The following CDKL3 variants were observed in gnomAD, a reference collection of about 807,000 sequenced individuals.
CDKL3 encodes cyclin dependent kinase like 3.
In CDKL3, 65 loss-of-function variants were observed where a neutral mutation model predicts 69.3. That is an observed-to-expected ratio of 0.94 (90% CI 0.77 to 1.15). The LOEUF (loss-of-function observed/expected upper bound fraction) is 1.15. Ranked by LOEUF, CDKL3 falls within the 50% of genes most tolerant of loss-of-function variation. The pLI is 0.00. For synonymous variants in CDKL3, 202 were observed against 221.6 expected (o/e 0.91, Z 0.79); for missense variants, 652 against 689.2 (o/e 0.95, Z 0.61).
In CDKL3 at chr5:134,366,564, G is replaced by A. The variant is rs771889768; in HGVS notation, c.-21-20C>T. 1.4e-6 allele frequency: 2 copies of A among 1,413,366 alleles called. No homozygotes were observed. Among genetic ancestry groups the A allele is most frequent in the Admixed American group, 4.8e-5 (2 of 41,544 alleles). 87.6% of individuals were successfully genotyped at this position (1,413,366 alleles called of 1,614,324 possible). A position where few individuals can be genotyped will look rare whatever the true frequency, so the allele number is the denominator to read the frequency against. ...TTACTACTTTATAGAAATAAAGAAA[G>A]AAAATGGAAAATGTTAAACGTTTAT... On this transcript the variant is annotated intron_variant, in intron 1 of 12. Coordinates refer to ENST00000265334, the MANE Select transcript of CDKL3 (RefSeq NM_001113575.2).
At chr5:134,362,148 T>C (rs1163798995) in intron 2 of CDKL3, among the ~76,000 whole-genome samples, 1 of 152,222 alleles carries the variant, frequency 6.6e-6, no homozygotes. Context: ...TAATTTTTTC[T>C]CCATTACTAG....
At chr5:134,290,288 G>A (rs1765068093) in intron 8 of CDKL3, among the ~76,000 whole-genome samples, 1 of 146,052 alleles carries the variant, frequency 6.8e-6, no homozygotes, top group Admixed American at 7.1e-5. Context: ...AGGGAGTCGG[G>A]AAGTTGCAGT....
chr5:134,319,381 C>G lies in CDKL3; in HGVS notation c.769G>C (p.Gly257Arg). The G allele has an allele frequency of 6.6e-7, 1 of 1,526,348 alleles. No homozygotes were observed. The highest frequency in any genetic ancestry group is 8.8e-7 in the Non-Finnish European group (1 of 1,139,948). The allele number at this position is 1,526,348 out of a possible 1,614,324, so 94.6% of individuals were successfully genotyped here. A position where few individuals can be genotyped will look rare whatever the true frequency, so the allele number is the denominator to read the frequency against. ...ACATGAACTATATCTGCCAACAATC[C>G]ATTAAGCTTTGGATATTTTTTTCTT... ...NARKKYPKLN[G>R]LLADIVHACL... is the part of the protein sequence containing the mutation. The change falls in exon 6 of 13, where the codon GGA becomes CGA. Residue 257 changes from glycine to arginine, a missense_variant. Gly to Arg is a moderately radical substitution (Grantham distance 125). Coordinates refer to ENST00000265334, the MANE Select transcript of CDKL3 (RefSeq NM_001113575.2).
At chr5:134,315,956 TA>T (rs1561536071) in intron 6 of CDKL3, among the ~76,000 whole-genome samples, 1 of 152,072 alleles carries the variant, frequency 6.6e-6, no homozygotes, top group African/African-American at 2.4e-5. Flanking sequence ...CCACTTCTAA[TA>T]TATATATTTT....
At chr5:134,312,171 T>G in intron 7 of CDKL3, 121 bp downstream of exon 7, 1 of 657,308 alleles carries the variant, frequency 1.5e-6, no homozygotes, top group Admixed American at 3.1e-5. Context: ...AATAACTCAA[T>G]AAATTTTTGT....
intron 4 of CDKL3, among the ~76,000 whole-genome samples, chr5:134,341,958 G>T (rs1025201882): frequency 1.3e-5 from 2 of 152,196 alleles, no homozygotes; most frequent in African/African-American, 2.4e-5. Flanking sequence ...GCCAGATTTT[G>T]CTTTAGGAGG....
chr5:134,342,257 C>T (rs1195375909), intron 4 of CDKL3, among the ~76,000 whole-genome samples: 1 of 152,118 alleles, frequency 6.6e-6, no homozygotes, highest in Non-Finnish European at 1.5e-5. Flanking sequence ...ATAAATTTTA[C>T]AAAACAAGTG....
At chr5:134,338,510 T>C (rs527819587) in intron 4 of CDKL3, among the ~76,000 whole-genome samples, 1 of 150,520 alleles carries the variant, frequency 6.6e-6, no homozygotes, top group East Asian at 2.0e-4. Context: ...GCCAATATGG[T>C]GAAACTCCAT....
At chr5:134,314,674 T>G (rs1397521461) in intron 6 of CDKL3, among the ~76,000 whole-genome samples, 1 of 152,196 alleles carries the variant, frequency 6.6e-6, no homozygotes, top group Non-Finnish European at 1.5e-5. Flanking sequence ...CTCTAAACCA[T>G]TATGCTGAGT....
At chr5:134,302,821 T>C in intron 11 of CDKL3, 134 bp from the exon 12 acceptor site, 2 of 543,784 alleles carry the variant, frequency 3.7e-6, no homozygotes. Context: ...AAATAAATTA[T>C]GAGTTGTAAT....
intron 4 of CDKL3, among the ~76,000 whole-genome samples, chr5:134,334,831 G>T (rs1437431613): frequency 6.6e-6 from 1 of 152,116 alleles, no homozygotes; most frequent in Non-Finnish European, 1.5e-5. Context: ...TATTAGGTCC[G>T]CTTGGTCCAG....
chr5:134,331,617 C>T (rs1775831114), intron 4 of CDKL3, among the ~76,000 whole-genome samples: 1 of 152,132 alleles, frequency 6.6e-6, no homozygotes, highest in South Asian at 2.1e-4. Flanking sequence ...CATGTCCCTG[C>T]AAAGGACATG....
Position 134,319,444 on chromosome 5 carries a change from C to A in CDKL3, c.706G>T (p.Gly236Trp). The A allele has an allele frequency of 6.5e-7, 1 of 1,537,884 alleles. No individual in the cohort carries two copies. The highest frequency in any genetic ancestry group is 2.1e-5 in the Admixed American group (1 of 47,252). ...NIFSKSPIFA[G>W]VVLPQVQHPK... is the part of the protein sequence containing the mutation. ...TGTTGAACTTGAGGAAGAACTACCC[C>A]AGCAAAAATGGGGCTCTTGGAAAAG... Residue 236 changes from glycine (G) to tryptophan (W), a missense_variant, in exon 6 of 13, where the codon GGG (glycine) becomes TGG (tryptophan). By Grantham distance (184) the Gly-to-Trp change is radical. Transcript: ENST00000265334.
chr5:134,337,172 T>C lies in CDKL3; in HGVS notation c.539+13077A>G, dbSNP rs117358410. Among the ~76,000 whole-genome samples the C allele has an allele frequency of 7.8e-4, 118 of 152,170 alleles. 3 individuals are homozygous for C. The East Asian group carries it at 0.019, about 24-fold the overall frequency. On this transcript the variant is annotated intron_variant, in intron 4 of 12. Transcript: ENST00000265334. ...CTGCTGAGCCAGGCACGGGAGAGAA[T>C]CTCCTGGTCTGACAGTTGCAAAGAC...
chr5:134,315,954 A>AAT (rs1471502670), intron 6 of CDKL3, among the ~76,000 whole-genome samples: 5 of 152,086 alleles, frequency 3.3e-5, no homozygotes, highest in Admixed American at 2.0e-4. Flanking sequence ...ATCCACTTCT[A>AAT]ATATATATAT....
downstream of CDKL3, among the ~76,000 whole-genome samples, chr5:134,296,133 G>A (rs1202044266): frequency 6.6e-5 from 10 of 151,978 alleles, no homozygotes; most frequent in Non-Finnish European, 1.0e-4. Flanking sequence ...TCCTGACCTC[G>A]TGATCTGCCT....
intron 3 of CDKL3, among the ~76,000 whole-genome samples, chr5:134,352,461 C>T (rs1176245330): frequency 1.1e-4 from 17 of 151,874 alleles, no homozygotes; most frequent in Admixed American, 5.3e-4. Flanking sequence ...CCACCACGCC[C>T]GGCTAATTTT....
intron 11 of CDKL3, among the ~76,000 whole-genome samples, chr5:134,303,673 C>T (rs1045133436): frequency 2.6e-5 from 4 of 151,096 alleles, no homozygotes; most frequent in Non-Finnish European, 5.9e-5. Context: ...GTGGAACCCC[C>T]CCCCCGTCTC....
At chr5:134,358,148 C>T (rs186159994) in intron 3 of CDKL3, among the ~76,000 whole-genome samples, 86 of 152,268 alleles carry the variant, frequency 5.6e-4, no homozygotes, top group African/African-American at 2.0e-3. Flanking sequence ...AAGAGTCCAC[C>T]CTCCTGTGGG....
Sources: gnomAD v4.1 joint callset for allele counts (sites outside exome capture counted in the v4.1 genomes callset) on GRCh38, gnomAD v4.1.1 for gene constraint, MANE v1.5 for transcripts, NCBI Gene and HGNC (gene_info 2026-07-23, HGNC 2026-07-21) for gene names.